Variants in RYR2 observed in about 807,000 individuals in gnomAD.
The protein encoded by RYR2 is ryanodine receptor 2, also known as cardiac muscle ryanodine receptor-calcium release channel.
In RYR2, 227 loss-of-function variants were observed where a neutral mutation model predicts 601.1. The ratio of observed to expected loss-of-function variants is 0.38; its 90% CI spans 0.34 to 0.42. RYR2 has a LOEUF of 0.42. RYR2 is among the 10% of genes least tolerant of loss of function. The pLI, the probability that RYR2 is intolerant of heterozygous loss-of-function variation, is 1.00. For missense variants in RYR2, 4,646 were observed against 6,156.5 expected (o/e 0.75, Z 8.21); for synonymous variants, 2,223 against 2,175.1 (o/e 1.02, Z -0.61).
chr1:237,502,559 T>C (rs2618699), intron 21 of RYR2, among the ~76,000 whole-genome samples: 98,554 of 151,858 alleles, frequency 0.65, 32,087 homozygotes, highest in African/African-American at 0.72. Flanking sequence ...TCGATTCTCA[T>C]AGGGAATGAG....
chr1:237,554,889 A>G (rs187231812), intron 27 of RYR2, among the ~76,000 whole-genome samples: 15 of 152,082 alleles, frequency 9.9e-5, no homozygotes, highest in Admixed American at 9.2e-4. Flanking sequence ...TCACTTCTCT[A>G]AGGGATTAAT....
chr1:237,271,157 G>T (rs952372878), intron 2 of RYR2, among the ~76,000 whole-genome samples: 1 of 151,524 alleles, frequency 6.6e-6, no homozygotes, highest in African/African-American at 2.4e-5. Context: ...CTCTTGCATT[G>T]ATCATAAAGG....
intron 14 of RYR2, 44 bp from the exon 15 acceptor site, chr1:237,454,347 T>G: frequency 1.9e-6 from 3 of 1,539,406 alleles, no homozygotes; most frequent in Non-Finnish European, 2.6e-6. Context: ...AATGATAAAA[T>G]TGTGAATCAC....
rs1261023904 is a variant in RYR2 at position 237,106,221 on chromosome 1, T to C, written c.48+63652T>C. Among the ~76,000 whole-genome samples the C allele has an allele frequency of 6.6e-6, 1 of 152,144 alleles. No individual in the cohort carries two copies. Among genetic ancestry groups the C allele is most frequent in the African/African-American group, 2.4e-5 (1 of 41,432 alleles). On this transcript the variant is annotated intron_variant, in intron 1 of 104. Transcript: ENST00000366574. The surrounding 1 kb of genome is among the most constrained non-coding windows in gnomAD (Gnocchi z 4.4). ...TCTGAAAAGACCCGTCTGGCCACTGTGTTGAGAATAGATGTTCCTGGTAAA... is the reference window on the plus strand; with the variant it reads ...TCTGAAAAGACCCGTCTGGCCACTGCGTTGAGAATAGATGTTCCTGGTAAA...
chr1:237,452,962 C>T (rs1284014953), intron 14 of RYR2, among the ~76,000 whole-genome samples: 1 of 151,886 alleles, frequency 6.6e-6, no homozygotes, highest in African/African-American at 2.4e-5. Flanking sequence ...ATGTTTATTT[C>T]AATGTAATAA....
intron 79 of RYR2, among the ~76,000 whole-genome samples, chr1:237,737,377 T>G (rs74149916): frequency 3.9e-5 from 6 of 152,338 alleles, no homozygotes; most frequent in African/African-American, 1.4e-4. Flanking sequence ...TATATTCATA[T>G]GTGCCACCCA....
In RYR2 at chr1:237,585,736, T is replaced by A. The variant is rs1263752888; in HGVS notation, c.3599-4057T>A. Among the ~76,000 whole-genome samples, 5 of 152,340 alleles carry A rather than the reference T, an allele frequency of 3.3e-5. No individual in the cohort carries two copies. The South Asian group carries it at 6.2e-4, about 19-fold the overall frequency. ...CTTCACTTAAAATGAGAAAAAAATA[T>A]GCTAGTTTCTACCTGTGGAGGTACT... On this transcript the variant is annotated intron_variant, in intron 29 of 104. Transcript: ENST00000366574.
intron 2 of RYR2, among the ~76,000 whole-genome samples, chr1:237,298,524 A>C (rs1194948836): frequency 2.0e-5 from 3 of 152,126 alleles, no homozygotes; most frequent in Non-Finnish European, 4.4e-5. Context: ...TAAATTCTTT[A>C]ATCCTCTTTA....
intron 1 of RYR2, among the ~76,000 whole-genome samples, chr1:237,131,507 G>A (rs1439571821): frequency 2.0e-5 from 3 of 152,080 alleles, no homozygotes; most frequent in Admixed American, 1.3e-4. Context: ...GGACAGGGCC[G>A]TTAAAAATAG....
At chr1:237,578,842 A>C (rs1380738010) in intron 29 of RYR2, among the ~76,000 whole-genome samples, 2 of 152,028 alleles carry the variant, frequency 1.3e-5, no homozygotes, top group Admixed American at 1.3e-4. Flanking sequence ...CTTTGGGATA[A>C]GTCTGTGACC....
At chr1:237,650,957 C>T (rs1416413229) in intron 50 of RYR2, among the ~76,000 whole-genome samples, 4 of 152,250 alleles carry the variant, frequency 2.6e-5, no homozygotes, top group Non-Finnish European at 2.9e-5. Context: ...TAGATGTTCA[C>T]TGTGTACATT....
chr1:237,113,153 A>G (rs905726526), intron 1 of RYR2, among the ~76,000 whole-genome samples: 4 of 151,858 alleles, frequency 2.6e-5, no homozygotes, highest in Admixed American at 6.6e-5. Context: ...CCATCTGGCC[A>G]TAGGATATTG....
At chr1:237,465,716 G>A (rs184164159) in intron 16 of RYR2, among the ~76,000 whole-genome samples, 42 of 152,212 alleles carry the variant, frequency 2.8e-4, no homozygotes, top group Middle Eastern at 6.8e-3. Flanking sequence ...GCGCGTCTAC[G>A]CTATACGGGA....
chr1:237,723,400 G>A (rs752314878), intron 74 of RYR2, 138 bp downstream of exon 74: 45 of 566,128 alleles, frequency 7.9e-5, no homozygotes, highest in Non-Finnish European at 5.4e-5. Flanking sequence ...ATAAGAGTCC[G>A]GTGTGCTTAG....
At chr1:237,084,534 C>G (rs563816959) in intron 1 of RYR2, among the ~76,000 whole-genome samples, 2 of 152,172 alleles carry the variant, frequency 1.3e-5, no homozygotes, top group South Asian at 4.1e-4. Flanking sequence ...CTTTAATTCA[C>G]AAGCAGAGCA....
intron 9 of RYR2, 89 bp from the exon 10 acceptor site, chr1:237,387,998 C>A (rs546595506): frequency 1.6e-6 from 2 of 1,217,614 alleles, no homozygotes; most frequent in Non-Finnish European, 2.4e-6. Flanking sequence ...AGTTTCTTTA[C>A]GAAAGTAGAA....
chr1:237,295,902 C>G (rs557456826), intron 2 of RYR2, among the ~76,000 whole-genome samples: 1 of 152,286 alleles, frequency 6.6e-6, no homozygotes, highest in South Asian at 2.1e-4. Flanking sequence ...AGTGCACCAT[C>G]TCATGGATAT....
rs531204510 is a variant in RYR2 at position 237,147,770 on chromosome 1, C to T, written c.48+105201C>T. On this transcript the variant is annotated intron_variant, in intron 1 of 104. Transcript: ENST00000366574. The stretch of plus-strand genomic sequence containing the variant: ...TGTTGAACTGAATCCTTTGCGATCC[C>T]GCAACACTGTGGCTATCAGAGAGTC... Among the ~76,000 whole-genome samples the T allele has an allele frequency of 5.4e-4, 82 of 152,308 alleles. 1 individual carries two copies. The highest frequency in any genetic ancestry group is 1.9e-3 in the African/African-American group (78 of 41,566).
intron 50 of RYR2, among the ~76,000 whole-genome samples, 161 bp downstream of exon 50, chr1:237,650,258 G>A (rs1453745189): frequency 2.6e-5 from 4 of 152,164 alleles, no homozygotes; most frequent in South Asian, 4.1e-4. Context: ...TTCTCTGATC[G>A]CCCTTGCTCC....
Sources: gnomAD v4.1 joint callset for allele counts (sites outside exome capture counted in the v4.1 genomes callset) on GRCh38, gnomAD v4.1.1 for gene constraint, Gnocchi (gnomAD v3.1) non-coding constraint, MANE v1.5 for transcripts, NCBI Gene and HGNC (gene_info 2026-07-23, HGNC 2026-07-21) for gene names.